Variants in PPP2R5C observed in about 807,000 individuals in gnomAD.
PPP2R5C encodes the protein serine/threonine-protein phosphatase 2A 56 kDa regulatory subunit gamma isoform.
A neutral mutation model predicts 68.9 loss-of-function variants in PPP2R5C; 7 were observed. That is an observed-to-expected ratio of 0.10 (90% CI 0.06 to 0.19). The LOEUF (loss-of-function observed/expected upper bound fraction) is 0.19. Ranked by LOEUF, PPP2R5C falls within the 10% of genes least tolerant of loss-of-function variation. The pLI is 1.00. For missense variants in PPP2R5C, 348 were observed against 641.3 expected (o/e 0.54, Z 4.94); for synonymous variants, 210 against 222.2 (o/e 0.95, Z 0.49).
intron 13 of PPP2R5C, among the ~76,000 whole-genome samples, chr14:101,919,981 A>AAAAAAAAAC (rs1566972797): frequency 2.1e-5 from 3 of 140,716 alleles, no homozygotes; most frequent in African/African-American, 5.8e-5. Flanking sequence ...AAAAAAAAAA[A>AAAAAAAAAC]AAAAAAAAAA....
In PPP2R5C at chr14:101,906,667, A is replaced by T. The variant is rs1399325107; in HGVS notation, c.1151+138A>T. The T allele has an allele frequency of 8.5e-7, 1 of 1,176,338 alleles. No homozygotes were observed. Among genetic ancestry groups the T allele is most frequent in the Non-Finnish European group, 1.2e-6 (1 of 851,822 alleles). 72.9% of individuals were successfully genotyped at this position (1,176,338 alleles called of 1,614,324 possible). On this transcript the variant is annotated intron_variant, in intron 10 of 13. Coordinates refer to ENST00000334743, the Ensembl canonical transcript of PPP2R5C. This position sits in a 1 kb window ranked among gnomAD's most constrained non-coding sequence, Gnocchi z 4.0. ...AGGTCAGTTGCTTTGTGGACTCATA[A>T]ATTAAGTAGCAGCGTGGGTTGTTTC...
In PPP2R5C at chr14:101,781,104, C is replaced by T. The variant is rs1056151710; in HGVS notation, c.94-4914C>T. On this transcript the variant is annotated intron_variant, in intron 2 of 14. Transcript: ENST00000328724. This position sits in a 1 kb window ranked among gnomAD's most constrained non-coding sequence, Gnocchi z 6.4. ...CTCCAGCTACAGGTGCCTTGCGGTG[C>T]CGCCACTGGAGGAGTCTTTGCAGGT... Among the ~76,000 whole-genome samples, 5 of 152,172 alleles carry T rather than the reference C, an allele frequency of 3.3e-5. No homozygotes were observed. The highest frequency in any genetic ancestry group is 1.2e-4 in the African/African-American group (5 of 41,452).
intron 8 of PPP2R5C, among the ~76,000 whole-genome samples, chr14:101,898,364 G>T (rs993711690): frequency 6.6e-6 from 1 of 151,994 alleles, no homozygotes; most frequent in African/African-American, 2.4e-5. Context: ...TCTCTATCCC[G>T]CCATCCACTG....
At chr14:101,792,871 C>T (rs2038421413) in intron 3 of PPP2R5C, among the ~76,000 whole-genome samples, 1 of 144,464 alleles carries the variant, frequency 6.9e-6, no homozygotes, top group Non-Finnish European at 1.5e-5. Context: ...TCAAATCAGC[C>T]ATTTTTCTTT....
chr14:101,781,493 C>T lies in PPP2R5C; in HGVS notation c.94-4525C>T, dbSNP rs1471159653. Among the ~76,000 whole-genome samples the T allele has an allele frequency of 1.3e-5, 2 of 152,110 alleles. No homozygotes were observed. The highest frequency in any genetic ancestry group is 2.9e-5 in the Non-Finnish European group (2 of 67,970). On this transcript the variant is annotated intron_variant, in intron 2 of 14. Coordinates refer to the PPP2R5C transcript ENST00000328724. The surrounding 1 kb of genome is among the most constrained non-coding windows in gnomAD (Gnocchi z 6.4). ...TCCCGCCGGGCCCTCCTGCCGCCCC[C>T]CAGCCTCCCCGCCCCTGCCCTTGCC...
intron 2 of PPP2R5C, among the ~76,000 whole-genome samples, chr14:101,764,665 C>G (rs982321794): frequency 2.0e-4 from 30 of 152,168 alleles, no homozygotes; most frequent in Admixed American, 1.3e-3. Context: ...CCCTCCCTGT[C>G]TTTATAGCAG....
intron 2 of PPP2R5C, among the ~76,000 whole-genome samples, chr14:101,863,119 C>G (rs1332907543): frequency 1.3e-5 from 2 of 152,046 alleles, no homozygotes; most frequent in African/African-American, 2.4e-5. Context: ...ACCAGCCTGG[C>G]CAACATGGTG....
chr14:101,876,129 A>G lies in PPP2R5C; in HGVS notation c.295-6032A>G, dbSNP rs190236908. ...GCTATATCATTTGCAAACAAATGAC[A>G]ATTTTGTACTTAAATATATATATAT... On this transcript the variant is annotated intron_variant, in intron 2 of 13. Coordinates refer to ENST00000334743, the Ensembl canonical transcript of PPP2R5C. 1.1e-4 allele frequency among the ~76,000 whole-genome samples: 17 copies of G among 152,268 alleles called. No individual in the cohort carries two copies. The East Asian group carries it at 3.3e-3, about 29-fold the overall frequency.
intron 2 of PPP2R5C, among the ~76,000 whole-genome samples, chr14:101,880,586 A>G (rs992438747): frequency 6.6e-6 from 1 of 152,206 alleles, no homozygotes; most frequent in Non-Finnish European, 1.5e-5. Flanking sequence ...GCTTAAGCCC[A>G]GGAGTTTGAG....
chr14:101,833,252 A>G (rs940022318), intron 1 of PPP2R5C, among the ~76,000 whole-genome samples: 1 of 152,248 alleles, frequency 6.6e-6, no homozygotes, highest in African/African-American at 2.4e-5. Flanking sequence ...AGCCGTGGCC[A>G]GAGGTCACTG....
intron 2 of PPP2R5C, among the ~76,000 whole-genome samples, chr14:101,771,112 G>A (rs1312093876): frequency 6.6e-6 from 1 of 152,156 alleles, no homozygotes; most frequent in African/African-American, 2.4e-5. Context: ...AAACAGCGTT[G>A]TCATCTTCAT....
At chr14:101,761,070 AGGAGGGAAGGGGAGGGGAGGGAAG>A (rs2036497167), upstream of PPP2R5C, among the ~76,000 whole-genome samples, 2 of 22,362 alleles carry the variant, frequency 8.9e-5, no homozygotes, top group Non-Finnish European at 1.7e-4. Context: ...GTGGAGGGAG[AGGAGGGAAGGGGAGGGGAGGGAAG>A]GGAGGGGAGG....
intron 8 of PPP2R5C, among the ~76,000 whole-genome samples, chr14:101,895,163 AGCCAGACATGTCAGGT>A (rs904831189): frequency 6.6e-6 from 1 of 152,200 alleles, no homozygotes; most frequent in African/African-American, 2.4e-5. Flanking sequence ...GGGTTAACAA[AGCCAGACATGTCAGGT>A]GCCAGTTTAA....
At chr14:101,772,085 C>A (rs990938596) in intron 2 of PPP2R5C, among the ~76,000 whole-genome samples, 2 of 152,032 alleles carry the variant, frequency 1.3e-5, no homozygotes, top group African/African-American at 4.8e-5. Context: ...CTACTTCAGA[C>A]CCTACCAGTA....
At chr14:101,881,041 C>T (rs2044140340) in intron 2 of PPP2R5C, among the ~76,000 whole-genome samples, 1 of 152,146 alleles carries the variant, frequency 6.6e-6, no homozygotes, top group African/African-American at 2.4e-5. Context: ...AGTTATATAA[C>T]TGGCATACGA....
At chr14:101,885,210 C>T (rs1056885963) in intron 5 of PPP2R5C, among the ~76,000 whole-genome samples, 3 of 152,194 alleles carry the variant, frequency 2.0e-5, no homozygotes, top group East Asian at 3.9e-4. Context: ...ACACGGGCCT[C>T]GGGGTCCTTT....
intron 2 of PPP2R5C, among the ~76,000 whole-genome samples, chr14:101,874,008 G>A (rs778598636): frequency 2.6e-5 from 4 of 152,134 alleles, no homozygotes; most frequent in African/African-American, 7.2e-5. Flanking sequence ...CATCTCATCT[G>A]GAAGCATAAG....
Position 101,889,381 on chromosome 14 carries a change from C to T in PPP2R5C, c.630-856C>T, listed in dbSNP as rs776148079. Among the ~76,000 whole-genome samples the T allele has an allele frequency of 3.2e-4, 49 of 152,172 alleles. 1 individual carries two copies. The highest frequency in any genetic ancestry group is 6.0e-4 in the Non-Finnish European group (41 of 68,032). On this transcript the variant is annotated intron_variant, in intron 5 of 13. Transcript: ENST00000334743. ...GAGGCTTCTTTGTTTCTGTAGGAGC[C>T]CTTTGCGGGGAGGACATTTTCCTGT...
intron 2 of PPP2R5C, among the ~76,000 whole-genome samples, chr14:101,880,908 C>T (rs1216779844): frequency 6.6e-6 from 1 of 152,192 alleles, no homozygotes; most frequent in African/African-American, 2.4e-5. Flanking sequence ...TCTCTAGAAA[C>T]ATCTTCTCGT....
Sources: gnomAD v4.1 joint callset for allele counts (sites outside exome capture counted in the v4.1 genomes callset) on GRCh38, gnomAD v4.1.1 for gene constraint, Gnocchi (gnomAD v3.1) non-coding constraint, MANE v1.5 for transcripts, NCBI Gene and HGNC (gene_info 2026-07-23, HGNC 2026-07-21) for gene names.